Variants in MTMR3 observed in about 807,000 individuals in gnomAD.
The protein encoded by MTMR3 is myotubularin related protein 3.
In MTMR3, 32 loss-of-function variants were observed where a neutral mutation model predicts 132.4. That is an observed-to-expected ratio of 0.24 (90% CI 0.18 to 0.32). The LOEUF is 0.32. Among genes scored for constraint, MTMR3 ranks in the 10% least tolerant of loss-of-function variants. MTMR3 has a pLI of 1.00. For synonymous variants in MTMR3, 556 were observed against 550.3 expected (o/e 1.01, Z -0.14); for missense variants, 1,216 against 1,489.6 (o/e 0.82, Z 3.02).
Position 30,020,393 on chromosome 22 carries a change from C to T in MTMR3, c.2734C>T (p.Arg912Cys), listed in dbSNP as rs772189807. ...TSLGSTLSLT[R>C]SPCALPLAEC... ...CCTTGGCAGCACTCTCAGCCTGACA[C>T]GTTCCCCTTGTGCCTTGCCTTTAGC... Residue 912 changes from arginine (R) to cysteine (C), a missense_variant, in exon 17 of 20, where the codon CGT becomes TGT. Arg to Cys is a radical substitution (Grantham distance 180). Around this residue, in one of 7 missense-constraint regions of MTMR3, gnomAD observed 852 missense variants for 852.0 expected, o/e 1.00. Coordinates refer to ENST00000401950, the MANE Select transcript of MTMR3 (RefSeq NM_021090.4). The T allele has an allele frequency of 6.8e-6, 11 of 1,614,080 alleles. No individual in the cohort carries two copies. The highest frequency in any genetic ancestry group is 1.6e-4 in the Middle Eastern group (1 of 6,084).
chr22:29,899,967 G>T (rs1418271006), intron 1 of MTMR3, among the ~76,000 whole-genome samples: 1 of 147,320 alleles, frequency 6.8e-6, no homozygotes, highest in East Asian at 2.0e-4. Context: ...TGCTGAGTTC[G>T]TCGTCTTTTA....
chr22:29,958,501 T>C (rs1392652345), intron 2 of MTMR3, among the ~76,000 whole-genome samples: 1 of 152,138 alleles, frequency 6.6e-6, no homozygotes, highest in Admixed American at 6.6e-5. Flanking sequence ...CTACCTCCTG[T>C]CTCTCAAATA....
chr22:29,950,366 TA>T (rs746778658), intron 1 of MTMR3, among the ~76,000 whole-genome samples: 31 of 148,570 alleles, frequency 2.1e-4, no homozygotes, highest in Admixed American at 9.4e-4. Context: ...TTTTTTTATT[TA>T]TTTTTTTATT....
At chr22:29,997,968 A>G (rs772386188) in intron 7 of MTMR3, 4 of 152,246 alleles carry the variant, frequency 2.6e-5, no homozygotes, top group South Asian at 4.1e-4. Context: ...AAAACTCTCA[A>G]GTTCTAAAAT....
chr22:30,011,538 T>G (rs1213346096), intron 12 of MTMR3: 1 of 152,252 alleles, frequency 6.6e-6, no homozygotes, highest in East Asian at 1.9e-4. Flanking sequence ...AATTTTTGAA[T>G]TTTTAGTAGA....
chr22:29,914,486 C>A (rs546161476), intron 1 of MTMR3, among the ~76,000 whole-genome samples: 5 of 152,004 alleles, frequency 3.3e-5, no homozygotes, highest in Non-Finnish European at 5.9e-5. Context: ...GAATATGAGT[C>A]CTTCATAACA....
intron 12 of MTMR3, chr22:30,010,845 C>A (rs1239729424): frequency 6.6e-6 from 1 of 152,110 alleles, no homozygotes. Context: ...TTCTCAGGTA[C>A]CTGCTAGGAG....
At chr22:29,953,727 A>G (rs1376932033) in intron 1 of MTMR3, among the ~76,000 whole-genome samples, 1 of 152,188 alleles carries the variant, frequency 6.6e-6, no homozygotes, top group Non-Finnish European at 1.5e-5. Flanking sequence ...CTCTTATTTC[A>G]GATAACTTCC....
chr22:29,924,111 C>G (rs910030503), intron 1 of MTMR3, among the ~76,000 whole-genome samples: 1 of 152,132 alleles, frequency 6.6e-6, no homozygotes, highest in Admixed American at 6.5e-5. Flanking sequence ...TTGCCAAATG[C>G]TATGTCATGA....
chr22:29,984,856 AT>A (rs1569036400), intron 5 of MTMR3: 1 of 152,210 alleles, frequency 6.6e-6, no homozygotes, highest in Non-Finnish European at 1.5e-5. Context: ...TAGAGCTCAT[AT>A]GGAAGAGAAG....
chr22:29,956,421 A>G lies in MTMR3; in HGVS notation c.-137-615A>G, dbSNP rs144784786. ...GCCACCACACCCAGCTAATTTTTGT[A>G]TTTTTAGTAGAGACGGGGTTTTGCC... On this transcript the variant is annotated intron_variant, in intron 1 of 19. Transcript: ENST00000401950. 2.6e-5 allele frequency among the ~76,000 whole-genome samples: 4 copies of G among 152,018 alleles called. No individual in the cohort carries two copies. In the East Asian group the frequency reaches 5.8e-4, roughly 22 times the overall value.
intron 7 of MTMR3, chr22:29,997,858 A>G (rs529161326): frequency 6.6e-5 from 10 of 152,346 alleles, no homozygotes; most frequent in Admixed American, 4.6e-4. Flanking sequence ...TGAATGATCT[A>G]TACCTTTCAC....
At chr22:29,898,501 C>T (rs1824109130) in intron 1 of MTMR3, among the ~76,000 whole-genome samples, 1 of 152,152 alleles carries the variant, frequency 6.6e-6, no homozygotes, top group Non-Finnish European at 1.5e-5. Context: ...CGCTCGGGCT[C>T]AGTCCATCCT....
chr22:30,003,044 C>A, intron 9 of MTMR3, 51 bp downstream of exon 9: 1 of 1,419,206 alleles, frequency 7.0e-7, no homozygotes, highest in Non-Finnish European at 1.0e-6. Flanking sequence ...CTGCCTGCTG[C>A]ATATGGTCTG....
At position 30,002,913 on chromosome 22, in the gene MTMR3, G is replaced by A. The variant is rs750250021; in HGVS notation, c.591G>A (p.Val197=). ...GTAGCTATCCTCAAGAGCTCATAGT[G>A]CCTGCCTGGATCACTGACAAAGAAC... ...LCGSYPQELI[V]PAWITDKELE... Residue 197 remains valine (V), a synonymous_variant, in exon 9 of 20, where the codon GTG becomes GTA. Transcript: ENST00000401950. 5 of 1,613,812 alleles carry A rather than the reference G, an allele frequency of 3.1e-6. No individual in the cohort carries two copies. The highest frequency in any genetic ancestry group is 4.2e-6 in the Non-Finnish European group (5 of 1,179,946).
At chr22:29,888,026 T>G (rs2064712520) in intron 1 of MTMR3, among the ~76,000 whole-genome samples, 1 of 152,058 alleles carries the variant, frequency 6.6e-6, no homozygotes, top group African/African-American at 2.4e-5. Context: ...TGTTTTGTTT[T>G]TTTTTTTGGA....
intron 7 of MTMR3, chr22:29,998,232 C>T (rs969915797): frequency 2.0e-5 from 3 of 152,324 alleles, no homozygotes; most frequent in African/African-American, 7.2e-5. Flanking sequence ...GATGAGATAA[C>T]ATAACTCTTG....
chr22:29,961,258 C>T (rs2066306101), intron 2 of MTMR3, among the ~76,000 whole-genome samples: 1 of 151,932 alleles, frequency 6.6e-6, no homozygotes, highest in Admixed American at 6.6e-5. Flanking sequence ...GCGACTTGTG[C>T]ATAGATATGG....
chr22:29,906,162 A>G (rs2065089636), intron 1 of MTMR3, among the ~76,000 whole-genome samples: 1 of 152,092 alleles, frequency 6.6e-6, no homozygotes, highest in Non-Finnish European at 1.5e-5. Context: ...CTTGTTTTCA[A>G]AGTTCATAGG....
Sources: allele counts gnomAD v4.1 joint callset (sites outside exome capture counted in the v4.1 genomes callset), GRCh38; gene constraint gnomAD v4.1.1; regional missense constraint gnomAD v4.1.1; transcripts MANE v1.5; gene names NCBI Gene and HGNC (gene_info 2026-07-23, HGNC 2026-07-21).